The following ERI3 variants were observed in gnomAD, a reference collection of about 807,000 sequenced individuals.
The protein encoded by ERI3 is ERI1 exoribonuclease family member 3.
Under a neutral mutation model 44.4 loss-of-function variants are expected in ERI3, and 18 were observed. That is an observed-to-expected ratio of 0.41 (90% CI 0.28 to 0.60). The LOEUF (loss-of-function observed/expected upper bound fraction) is 0.60. ERI3 is among the 20% of genes least tolerant of loss of function. The pLI is 0.36. For missense variants in ERI3, 294 were observed against 435.5 expected (o/e 0.68, Z 2.89); for synonymous variants, 183 against 164.8 (o/e 1.11, Z -0.84).
At chr1:44,247,816 T>C in intron 8 of ERI3, 123 bp downstream of exon 8, 3 of 576,314 alleles carry the variant, frequency 5.2e-6, no homozygotes, top group East Asian at 4.1e-5. Context: ...TCCCCCCACC[T>C]ATGTAGAGAG....
chr1:44,331,130 C>G (rs72891784), intron 3 of ERI3, among the ~76,000 whole-genome samples: 11,409 of 152,144 alleles, frequency 0.075, 1,334 homozygotes, highest in African/African-American at 0.25. Flanking sequence ...GCCCTCCAGT[C>G]GCTTCTGATC....
chr1:44,236,526 T>C (rs922988912), intron 8 of ERI3, among the ~76,000 whole-genome samples: 2 of 152,026 alleles, frequency 1.3e-5, no homozygotes, highest in Non-Finnish European at 2.9e-5. Flanking sequence ...TAAGCTGAGC[T>C]CTGAGGGATG....
At chr1:44,342,535 T>TAC (rs139623145) in intron 2 of ERI3, among the ~76,000 whole-genome samples, 20,465 of 150,850 alleles carry the variant, frequency 0.14, 1,700 homozygotes, top group Non-Finnish European at 0.18. Flanking sequence ...GATAGATGGA[T>TAC]ACACACACAC....
intron 8 of ERI3, among the ~76,000 whole-genome samples, chr1:44,236,186 TGGCACCCA>T (rs1040189170): frequency 6.6e-6 from 1 of 152,138 alleles, no homozygotes; most frequent in Non-Finnish European, 1.5e-5. Context: ...CCCCCTGCCC[TGGCACCCA>T]GGGGTGGGCC....
At chr1:44,264,374 C>G (rs1163787681) in intron 7 of ERI3, among the ~76,000 whole-genome samples, 1 of 152,208 alleles carries the variant, frequency 6.6e-6, no homozygotes, top group East Asian at 1.9e-4. Flanking sequence ...CGTGATACAT[C>G]TCAGTCTCTT....
intron 2 of ERI3, among the ~76,000 whole-genome samples, chr1:44,348,600 A>G (rs1277681813): frequency 6.6e-6 from 1 of 152,224 alleles, no homozygotes; most frequent in Non-Finnish European, 1.5e-5. Flanking sequence ...AAGCCTAAAA[A>G]CAATGATCCA....
chr1:44,339,360 A>AAAAG (rs1235628039), intron 2 of ERI3, 38 bp from the exon 3 acceptor site: 12 of 1,442,422 alleles, frequency 8.3e-6, no homozygotes, highest in South Asian at 7.5e-5. Flanking sequence ...AAAAAAAAAG[A>AAAAG]AAAGAAAGAA....
intron 7 of ERI3, among the ~76,000 whole-genome samples, chr1:44,282,103 CAGG>C (rs1645303183): frequency 6.6e-6 from 1 of 152,116 alleles, no homozygotes; most frequent in Non-Finnish European, 1.5e-5. Flanking sequence ...TAGGTGGCAG[CAGG>C]AGATGTGGAA....
rs114000274 is a variant in ERI3, at chr1:44,315,026, G to A, written c.607-1798C>T. ...AGTGACAGACACCCACAGGCCCACC[G>A]CTGCCCATTCTGGTCCAGCTTCTCT... On this transcript the variant is annotated intron_variant, in intron 4 of 8. Coordinates refer to ENST00000372257, the MANE Select transcript of ERI3 (RefSeq NM_024066.3). 3.8e-3 allele frequency among the ~76,000 whole-genome samples: 585 copies of A among 152,306 alleles called. 5 individuals carry two copies. The highest frequency in any genetic ancestry group is 0.013 in the African/African-American group (561 of 41,566).
chr1:44,245,712 C>T (rs1373043515), intron 8 of ERI3, among the ~76,000 whole-genome samples: 1 of 152,170 alleles, frequency 6.6e-6, no homozygotes, highest in Non-Finnish European at 1.5e-5. Flanking sequence ...GAACAGATAA[C>T]AGGGGCATTG....
chr1:44,247,798 T>G, intron 8 of ERI3, 141 bp downstream of exon 8: 2 of 546,646 alleles, frequency 3.7e-6, no homozygotes. Context: ...GCCACCCCCC[T>G]TCCACCATCC....
At position 44,252,062 on chromosome 1, in the gene ERI3, TG is replaced by T. The variant is rs1644691343; in HGVS notation, c.832-4025del. 6.6e-6 allele frequency among the ~76,000 whole-genome samples: 1 copy of T among 152,230 alleles called. No individual in the cohort carries two copies. On this transcript the variant is annotated intron_variant, in intron 7 of 8. Transcript: ENST00000372257. This position sits in a 1 kb window ranked among gnomAD's most constrained non-coding sequence, Gnocchi z 4.7. ...TCTCTCTCAGCCATCAGGGTCCACC[TG>T]CCCAGCTATGCACAGTCAGCACCTA...
intron 8 of ERI3, among the ~76,000 whole-genome samples, chr1:44,242,830 G>C (rs948233491): frequency 6.6e-6 from 1 of 152,182 alleles, no homozygotes; most frequent in African/African-American, 2.4e-5. Context: ...ACTTCAAGGA[G>C]GGAAGGCAAA....
chr1:44,262,472 T>A (rs78038734), intron 7 of ERI3, among the ~76,000 whole-genome samples: 2 of 152,336 alleles, frequency 1.3e-5, no homozygotes, highest in East Asian at 3.9e-4. Context: ...GTCTTCTGAG[T>A]TCTCTATCTC....
chr1:44,339,268 C>A lies in ERI3; in HGVS notation c.266G>T (p.Arg89Leu). 1 of 1,608,134 alleles carries A rather than the reference C, an allele frequency of 6.2e-7. No individual in the cohort carries two copies. The highest frequency in any genetic ancestry group is 8.5e-7 in the Non-Finnish European group (1 of 1,178,376). ...TCTTGAAAGTAAATACGAAGAAAAT[C>A]GAGCTGCTCCAGTCTGTAAAGGTGC... ...MLAPLQTGAA[R>L]FSSYLLSRAR... The change falls in exon 3 of 9, where the codon CGA (arginine) becomes CTA (leucine). Residue 89 changes from arginine to leucine, a missense_variant. By Grantham distance (102) the Arg-to-Leu change is moderately radical. Around this residue, in one of 2 missense-constraint regions of ERI3, gnomAD observed 187 missense variants for 338.6 expected, o/e 0.55. Coordinates refer to ENST00000372257, the MANE Select transcript of ERI3 (RefSeq NM_024066.3).
chr1:44,339,357 AAG>A (rs770913723), intron 2 of ERI3, 35 bp from the exon 3 acceptor site: 14 of 1,444,352 alleles, frequency 9.7e-6, no homozygotes, highest in South Asian at 1.5e-5. Flanking sequence ...AAAAAAAAAA[AAG>A]AAAAGAAAGA....
In ERI3 at chr1:44,224,641, A is replaced by C. The variant is rs536008456; in HGVS notation, c.932-3001T>G. ...TCCTCTTTCTGAAGAAAAGGCAAGG[A>C]AGCTAGTTTTCTGGAGGACCTAGTG... On this transcript the variant is annotated intron_variant, in intron 8 of 8. Transcript: ENST00000372257. 1.3e-3 allele frequency among the ~76,000 whole-genome samples: 201 copies of C among 152,360 alleles called. 1 individual carries two copies. The highest frequency in any genetic ancestry group is 6.8e-3 in the Middle Eastern group (2 of 294).
At chr1:44,318,963 C>T (rs916481305) in intron 4 of ERI3, among the ~76,000 whole-genome samples, 1 of 152,222 alleles carries the variant, frequency 6.6e-6, no homozygotes, top group African/African-American at 2.4e-5. Context: ...CTTGCAGGGG[C>T]TCCTCCCCTC....
intron 2 of ERI3, among the ~76,000 whole-genome samples, chr1:44,350,067 A>G (rs1021373657): frequency 6.6e-6 from 1 of 152,176 alleles, no homozygotes; most frequent in African/African-American, 2.4e-5. Context: ...ACAAGCAAGG[A>G]AAGGAGAAAC....
Sources: allele counts gnomAD v4.1 joint callset (sites outside exome capture counted in the v4.1 genomes callset), GRCh38; gene constraint gnomAD v4.1.1; regional missense constraint gnomAD v4.1.1; non-coding constraint Gnocchi (gnomAD v3.1); transcripts MANE v1.5; gene names NCBI Gene and HGNC (gene_info 2026-07-23, HGNC 2026-07-21).